Variants in MAD1L1 observed in about 807,000 individuals in gnomAD.
The protein encoded by MAD1L1 is mitotic arrest deficient 1 like 1.
In MAD1L1, 95 loss-of-function variants were observed where a neutral mutation model predicts 96.9. That is an observed-to-expected ratio of 0.98 (90% CI 0.83 to 1.16). The LOEUF (loss-of-function observed/expected upper bound fraction) is 1.16, where lower values mean the gene tolerates loss of function less well. Among genes scored for constraint, MAD1L1 ranks in the 50% most tolerant of loss-of-function variants. MAD1L1 has a pLI of 0.00. For synonymous variants in MAD1L1, 473 were observed against 396.6 expected, an observed-to-expected ratio of 1.19 and a Z score of -2.29; for missense variants, 1,007 against 954.4, an observed-to-expected ratio of 1.06 and a Z score of -0.73.
intron 13 of MAD1L1, 63 bp from the exon 14 acceptor site, chr7:2,002,184 C>T: frequency 6.6e-7 from 1 of 1,504,464 alleles, no homozygotes; most frequent in Non-Finnish European, 9.2e-7. Context: ...TCTAGGACTG[C>T]AGGGAACACA....
intron 11 of MAD1L1, among the ~76,000 whole-genome samples, chr7:2,075,907 G>C (rs1453246354): frequency 7.2e-5 from 11 of 152,216 alleles, no homozygotes; most frequent in African/African-American, 1.4e-4. Flanking sequence ...GGCAAGGGCA[G>C]GCATCGCACA....
chr7:2,173,249 C>T (rs1364699369), intron 10 of MAD1L1, among the ~76,000 whole-genome samples: 3 of 152,142 alleles, frequency 2.0e-5, no homozygotes, highest in Non-Finnish European at 4.4e-5. Flanking sequence ...TGGGGCATTA[C>T]CTGTGACTTC....
chr7:2,195,097 A>T (rs1010123547), intron 10 of MAD1L1, among the ~76,000 whole-genome samples: 1 of 152,162 alleles, frequency 6.6e-6, no homozygotes, highest in Non-Finnish European at 1.5e-5. Flanking sequence ...CAAAAAAAAA[A>T]AAAAAGTATT....
At chr7:2,027,777 T>C (rs1783050766) in intron 12 of MAD1L1, among the ~76,000 whole-genome samples, 1 of 152,240 alleles carries the variant, frequency 6.6e-6, no homozygotes, top group South Asian at 2.1e-4. Context: ...CAGTGAAATG[T>C]TGAAAGCTTT....
At chr7:2,009,680 G>A (rs1381789738) in intron 13 of MAD1L1, among the ~76,000 whole-genome samples, 2 of 152,188 alleles carry the variant, frequency 1.3e-5, no homozygotes, top group Non-Finnish European at 2.9e-5. Context: ...TGCACGGTCA[G>A]GGGCTCCACT....
chr7:1,892,931 G>C (rs959179779), intron 18 of MAD1L1, among the ~76,000 whole-genome samples: 1 of 152,178 alleles, frequency 6.6e-6, no homozygotes, highest in Non-Finnish European at 1.5e-5. Flanking sequence ...TCTCCCTCTC[G>C]TAACAGAAGG....
chr7:2,208,420 T>A (rs1407602554), intron 10 of MAD1L1, among the ~76,000 whole-genome samples: 1 of 152,124 alleles, frequency 6.6e-6, no homozygotes, highest in Non-Finnish European at 1.5e-5. Context: ...ATTATACTGG[T>A]GAAGATCTCC....
chr7:2,195,037 G>T (rs891829204), intron 10 of MAD1L1, among the ~76,000 whole-genome samples: 3 of 151,414 alleles, frequency 2.0e-5, no homozygotes, highest in Admixed American at 2.0e-4. Flanking sequence ...GCAGCAAGCA[G>T]AGATCATGCC....
intron 16 of MAD1L1, among the ~76,000 whole-genome samples, chr7:1,946,906 TTC>T (rs1779253985): frequency 6.6e-6 from 1 of 152,204 alleles, no homozygotes; most frequent in African/African-American, 2.4e-5. Context: ...GACGGCCCGT[TTC>T]TCTCTGTGTT....
At chr7:2,213,159 A>G in intron 10 of MAD1L1, 53 bp downstream of exon 10, 1 of 1,588,202 alleles carries the variant, frequency 6.3e-7, no homozygotes, top group South Asian at 1.1e-5. Context: ...TCTGCTCTTC[A>G]CCCAGGACCC....
At chr7:1,910,935 C>G (rs953628344) in intron 17 of MAD1L1, among the ~76,000 whole-genome samples, 2 of 152,186 alleles carry the variant, frequency 1.3e-5, no homozygotes, top group African/African-American at 2.4e-5. Flanking sequence ...GTGTCTCTCT[C>G]CTGACCCCCA....
chr7:2,062,028 G>A (rs1784681529), intron 12 of MAD1L1, among the ~76,000 whole-genome samples: 1 of 150,570 alleles, frequency 6.6e-6, no homozygotes, highest in African/African-American at 2.4e-5. Context: ...ATCACCTGAG[G>A]TCAGGAGTTC....
chr7:2,142,627 C>T lies in MAD1L1; in HGVS notation c.1073+6525G>A, dbSNP rs570376442. ...GGACCAGACAGGCATGGCAGGCTGC[C>T]ACCGTGGAATACATGGAGACAGCCC... On this transcript the variant is annotated intron_variant, in intron 11 of 18. Coordinates refer to ENST00000265854, the MANE Select transcript of MAD1L1 (RefSeq NM_001013836.2). This position sits in a 1 kb window ranked among gnomAD's most constrained non-coding sequence, Gnocchi z 4.7. Among the ~76,000 whole-genome samples the T allele has an allele frequency of 1.3e-5, 2 of 152,354 alleles. No homozygotes were observed. The highest frequency in any genetic ancestry group is 4.1e-4 in the South Asian group (2 of 4,832).
At chr7:1,881,043 G>A (rs997367412) in intron 18 of MAD1L1, among the ~76,000 whole-genome samples, 1 of 152,160 alleles carries the variant, frequency 6.6e-6, no homozygotes, top group Non-Finnish European at 1.5e-5. Context: ...CAGGGCCCCG[G>A]TGTGCTGATC....
chr7:1,947,863 G>C (rs1779302796), intron 16 of MAD1L1, among the ~76,000 whole-genome samples: 1 of 152,250 alleles, frequency 6.6e-6, no homozygotes, highest in Non-Finnish European at 1.5e-5. Context: ...CTGTCGCCGA[G>C]GGGCCTGCGG....
intron 18 of MAD1L1, among the ~76,000 whole-genome samples, chr7:1,822,145 C>A (rs1397657298): frequency 2.0e-5 from 3 of 151,670 alleles, no homozygotes; most frequent in Admixed American, 2.0e-4. Context: ...GATGAACATA[C>A]AAAAATTAAC....
At position 2,114,771 on chromosome 7, in the gene MAD1L1, G is replaced by A. The variant is rs7806907; in HGVS notation, c.1073+34381C>T. Among the ~76,000 whole-genome samples, 3 of 152,228 alleles carry A rather than the reference G, an allele frequency of 2.0e-5. No homozygotes were observed. In the East Asian group the frequency reaches 5.8e-4, roughly 29 times the overall value. On this transcript the variant is annotated intron_variant, in intron 11 of 18. Coordinates refer to ENST00000265854, the MANE Select transcript of MAD1L1 (RefSeq NM_001013836.2). This position sits in a 1 kb window ranked among gnomAD's most constrained non-coding sequence, Gnocchi z 4.2. ...CACGATGGCAGAGTTCAGCGTCTTC[G>A]ACAGAGACCACCTGCCCGGCAAACC... is the stretch of plus-strand genomic sequence containing the variant.
chr7:2,085,869 C>CG (rs1297579474), intron 11 of MAD1L1, among the ~76,000 whole-genome samples: 1 of 152,242 alleles, frequency 6.6e-6, no homozygotes, highest in Non-Finnish European at 1.5e-5. Context: ...GACCGCCTAA[C>CG]CTCTGAAGAC....
intron 12 of MAD1L1, among the ~76,000 whole-genome samples, chr7:2,039,268 C>T (rs991619606): frequency 6.6e-6 from 1 of 152,210 alleles, no homozygotes; most frequent in African/African-American, 2.4e-5. Flanking sequence ...CCATCACCAC[C>T]GAAGGACATC....
Sources: allele counts gnomAD v4.1 joint callset (sites outside exome capture counted in the v4.1 genomes callset), GRCh38; gene constraint gnomAD v4.1.1; non-coding constraint Gnocchi (gnomAD v3.1); transcripts MANE v1.5; gene names NCBI Gene and HGNC (gene_info 2026-07-23, HGNC 2026-07-21).